Variants in ATP6V1G3 observed in about 807,000 individuals in gnomAD.
The protein encoded by ATP6V1G3 is V-type proton ATPase subunit G 3.
In ATP6V1G3, 9 loss-of-function variants were observed where a neutral mutation model predicts 9.3. The ratio of observed to expected loss-of-function variants is 0.97; its 90% CI spans 0.59 to 1.69. The LOEUF (loss-of-function observed/expected upper bound fraction) is 1.69, where lower values mean the gene tolerates loss of function less well. Ranked by LOEUF, ATP6V1G3 falls within the 40% of genes most tolerant of loss-of-function variation. ATP6V1G3 has a pLI of 0.00. For synonymous variants in ATP6V1G3, 43 were observed against 43.8 expected (o/e 0.98, Z 0.07); for missense variants, 133 against 139.0 (o/e 0.96, Z 0.22).
intron 1 of ATP6V1G3, among the ~76,000 whole-genome samples, chr1:198,540,215 A>G (rs375141345): frequency 2.0e-5 from 3 of 152,342 alleles, no homozygotes; most frequent in East Asian, 3.9e-4. Context: ...ATAAAAAATA[A>G]GTAATTTGCT....
intron 2 of ATP6V1G3, among the ~76,000 whole-genome samples, chr1:198,526,969 T>C (rs2103131509): frequency 6.6e-6 from 1 of 152,340 alleles, no homozygotes; most frequent in Non-Finnish European, 1.5e-5. Flanking sequence ...AAATAGATTT[T>C]TGATGAAGCA....
chr1:198,540,562 GACTT>G lies in ATP6V1G3; in HGVS notation c.82+3_82+6del, dbSNP rs528491214. 3.7e-4 allele frequency: 595 copies of G among 1,612,884 alleles called. 6 individuals carry two copies. The South Asian group carries it at 6.2e-3, about 17-fold the overall frequency. On this transcript the variant is annotated splice_donor_5th_base_variant and intron_variant, in intron 1 of 2. Transcript: ENST00000367382. ...TTCGTGACAGACCCCTCACAGGTGAGACTTACTCTTCTTGGCTTCCTCTAGCTTG... is the reference window on the plus strand; with the variant it reads ...TTCGTGACAGACCCCTCACAGGTGAGACTCTTCTTGGCTTCCTCTAGCTTG...
At chr1:198,530,125 C>A (rs1487044348) in intron 1 of ATP6V1G3, among the ~76,000 whole-genome samples, 2 of 152,072 alleles carry the variant, frequency 1.3e-5, no homozygotes, top group South Asian at 4.2e-4. Flanking sequence ...CATTAAAATT[C>A]TTTTTTTCTA....
chr1:198,532,397 G>A (rs1330804508), intron 1 of ATP6V1G3, among the ~76,000 whole-genome samples: 2 of 152,076 alleles, frequency 1.3e-5, no homozygotes, highest in Non-Finnish European at 2.9e-5. Context: ...AAGACACAGA[G>A]AACTGAAATA....
intron 1 of ATP6V1G3, among the ~76,000 whole-genome samples, chr1:198,534,801 A>C (rs1482570799): frequency 3.3e-5 from 5 of 152,232 alleles, no homozygotes. Flanking sequence ...AAAACAAAGC[A>C]AAACCAAACC....
chr1:198,529,662 C>G (rs1028021636), intron 1 of ATP6V1G3, among the ~76,000 whole-genome samples: 3 of 152,124 alleles, frequency 2.0e-5, no homozygotes, highest in Non-Finnish European at 4.4e-5. Flanking sequence ...TACAAACATG[C>G]AACTCAGACT....
At chr1:198,534,289 G>C (rs534282470) in intron 1 of ATP6V1G3, among the ~76,000 whole-genome samples, 7 of 152,164 alleles carry the variant, frequency 4.6e-5, no homozygotes, top group Non-Finnish European at 1.0e-4. Context: ...CACAGAGTCA[G>C]AGCAGACACA....
chr1:198,524,210 C>T (rs1258852157), intron 2 of ATP6V1G3, among the ~76,000 whole-genome samples: 3 of 150,998 alleles, frequency 2.0e-5, no homozygotes, highest in Middle Eastern at 3.4e-3. Flanking sequence ...CTGCAACCTT[C>T]GCCTCCCAGG....
chr1:198,533,544 T>A (rs1659991334), intron 1 of ATP6V1G3, among the ~76,000 whole-genome samples: 1 of 152,174 alleles, frequency 6.6e-6, no homozygotes, highest in Non-Finnish European at 1.5e-5. Flanking sequence ...CAACATTTTA[T>A]TTTGGGGATG....
At chr1:198,539,961 G>A (rs1371293669) in intron 1 of ATP6V1G3, among the ~76,000 whole-genome samples, 1 of 152,190 alleles carries the variant, frequency 6.6e-6, no homozygotes, top group Non-Finnish European at 1.5e-5. Flanking sequence ...GCAAGTGCCT[G>A]TAGTCCCAGC....
At chr1:198,528,148 G>C (rs1004186294) in intron 2 of ATP6V1G3, among the ~76,000 whole-genome samples, 3 of 152,044 alleles carry the variant, frequency 2.0e-5, no homozygotes, top group African/African-American at 7.2e-5. Context: ...AGGATTTCTT[G>C]TTTGCAAACA....
chr1:198,525,188 G>A (rs1258002283), intron 2 of ATP6V1G3, among the ~76,000 whole-genome samples: 1 of 152,056 alleles, frequency 6.6e-6, no homozygotes, highest in African/African-American at 2.4e-5. Flanking sequence ...TTATTAAAAT[G>A]GCTCTACCAA....
chr1:198,534,982 C>T (rs1449815182), intron 1 of ATP6V1G3, among the ~76,000 whole-genome samples: 1 of 152,168 alleles, frequency 6.6e-6, no homozygotes, highest in Non-Finnish European at 1.5e-5. Flanking sequence ...GCTTCTCTTA[C>T]ACTAAATTTA....
intron 1 of ATP6V1G3, among the ~76,000 whole-genome samples, chr1:198,537,862 A>C (rs1660180978): frequency 6.6e-6 from 1 of 152,238 alleles, no homozygotes; most frequent in Admixed American, 6.5e-5. Flanking sequence ...AAAACCACTG[A>C]AACATTAGGG....
chr1:198,529,888 G>A (rs1041801715), intron 1 of ATP6V1G3, among the ~76,000 whole-genome samples: 3 of 151,968 alleles, frequency 2.0e-5, no homozygotes, highest in African/African-American at 7.2e-5. Flanking sequence ...TTTATTAAGA[G>A]CAAAGGTGTA....
intron 1 of ATP6V1G3, among the ~76,000 whole-genome samples, chr1:198,532,894 T>G (rs1195335754): frequency 6.6e-6 from 1 of 152,158 alleles, no homozygotes; most frequent in Non-Finnish European, 1.5e-5. Flanking sequence ...ATTAGAAAGA[T>G]AGTAGCACGA....
chr1:198,538,890 T>TAAAA (rs1660229921), intron 1 of ATP6V1G3, among the ~76,000 whole-genome samples: 1 of 66,508 alleles, frequency 1.5e-5, no homozygotes, highest in Non-Finnish European at 2.4e-5. Context: ...AGACCCTGTC[T>TAAAA]CAAAAAAAAA....
At chr1:198,526,850 A>G (rs114845832) in intron 2 of ATP6V1G3, among the ~76,000 whole-genome samples, 127 of 152,304 alleles carry the variant, frequency 8.3e-4, no homozygotes, top group African/African-American at 3.0e-3. Context: ...TTCATGATCT[A>G]TCTGACTTTT....
At chr1:198,537,155 T>C (rs1660148526) in intron 1 of ATP6V1G3, among the ~76,000 whole-genome samples, 1 of 152,162 alleles carries the variant, frequency 6.6e-6, no homozygotes, top group Non-Finnish European at 1.5e-5. Context: ...TCAATTTCTA[T>C]AGACCGCGTG....
Sources: allele counts gnomAD v4.1 joint callset (sites outside exome capture counted in the v4.1 genomes callset), GRCh38; gene constraint gnomAD v4.1.1; transcripts MANE v1.5; gene names NCBI Gene and HGNC (gene_info 2026-07-23, HGNC 2026-07-21).